Variants in WIPF1 observed in about 807,000 individuals in gnomAD.
The protein encoded by WIPF1 is WAS/WASL interacting protein family member 1.
A neutral mutation model predicts 35.4 loss-of-function variants in WIPF1; 13 were observed. The ratio of observed to expected loss-of-function variants is 0.37; its 90% CI spans 0.24 to 0.58. The LOEUF is 0.58. WIPF1 is among the 20% of genes least tolerant of loss of function. WIPF1 has a pLI of 0.74. For synonymous variants in WIPF1, 267 were observed against 266.3 expected, an observed-to-expected ratio of 1.00 and a Z score of -0.02; for missense variants, 591 against 667.0, an observed-to-expected ratio of 0.89 and a Z score of 1.25.
chr2:174,662,649 C>A (rs750583298), intron 1 of WIPF1, among the ~76,000 whole-genome samples: 1 of 152,210 alleles, frequency 6.6e-6, no homozygotes, highest in African/African-American at 2.4e-5. Context: ...CAGCCCGTCA[C>A]GGCAGCAACC....
chr2:174,671,006 C>T (rs777873179), intron 1 of WIPF1, among the ~76,000 whole-genome samples: 1 of 152,108 alleles, frequency 6.6e-6, no homozygotes, highest in Non-Finnish European at 1.5e-5. Context: ...CAAGGAAGTC[C>T]GGAATTGGTG....
chr2:174,641,800 G>T (rs1333502806), intron 1 of WIPF1, among the ~76,000 whole-genome samples: 2 of 152,182 alleles, frequency 1.3e-5, no homozygotes, highest in South Asian at 2.1e-4. Flanking sequence ...TGTGCCACAT[G>T]CTTTGACATT....
intron 1 of WIPF1, among the ~76,000 whole-genome samples, chr2:174,586,026 T>C (rs1685408829): frequency 6.6e-6 from 1 of 152,202 alleles, no homozygotes; most frequent in African/African-American, 2.4e-5. Context: ...TCCCACCCCC[T>C]CTGGCTTTCT....
intron 1 of WIPF1, among the ~76,000 whole-genome samples, chr2:174,607,988 G>T (rs1445735079): frequency 2.0e-5 from 3 of 152,222 alleles, no homozygotes; most frequent in South Asian, 2.1e-4. Context: ...CCAGGATAAA[G>T]TGGAAATTGT....
At position 174,567,885 on chromosome 2, in the gene WIPF1, C is replaced by T. The variant is rs1559145240; in HGVS notation, c.1318G>A (p.Gly440Ser). ...CCTTCACATGGAGAGTCTTGGAAGCCATTTCTAATAGATGTTGATGGTGGA... is the reference window on the plus strand; with the variant it reads ...CCTTCACATGGAGAGTCTTGGAAGCTATTTCTAATAGATGTTGATGGTGGA... ...PPPPSTSIRN[G>S]FQDSPCEDEW... Residue 440 changes from glycine to serine, a missense_variant, in exon 6 of 8, where the codon GGC becomes AGC. Physicochemically the swap from Gly to Ser is moderately conservative, Grantham distance 56. Coordinates refer to ENST00000679041, the MANE Select transcript of WIPF1 (RefSeq NM_001375834.1). The T allele has an allele frequency of 1.2e-6, 2 of 1,604,292 alleles. No individual in the cohort carries two copies. Among genetic ancestry groups the T allele is most frequent in the Non-Finnish European group, 1.7e-6 (2 of 1,174,364 alleles).
At chr2:174,674,578 T>C (rs1037864920) in intron 1 of WIPF1, among the ~76,000 whole-genome samples, 3 of 152,178 alleles carry the variant, frequency 2.0e-5, no homozygotes, top group African/African-American at 7.2e-5. Context: ...TCTTTTTCAG[T>C]TCTAGAAGAC....
intron 2 of WIPF1, among the ~76,000 whole-genome samples, chr2:174,583,032 A>G (rs745510828): frequency 1.2e-4 from 19 of 152,272 alleles, no homozygotes; most frequent in Middle Eastern, 3.4e-3. Context: ...GTTGAGGAGG[A>G]GCTGGGATTC....
At chr2:174,601,218 C>T (rs933947499), upstream of WIPF1, among the ~76,000 whole-genome samples, 78 of 152,152 alleles carry the variant, frequency 5.1e-4, 1 homozygote, top group Middle Eastern at 3.2e-3. Context: ...TGAACCACCA[C>T]GCTGCCCAGC....
intron 1 of WIPF1, among the ~76,000 whole-genome samples, chr2:174,637,249 T>C (rs1687202987): frequency 6.6e-6 from 1 of 152,186 alleles, no homozygotes; most frequent in Admixed American, 6.5e-5. Flanking sequence ...TTTTCTTTTT[T>C]GTTTTTAAGT....
At chr2:174,591,264 G>C (rs1685595571) in intron 1 of WIPF1, among the ~76,000 whole-genome samples, 1 of 152,142 alleles carries the variant, frequency 6.6e-6, no homozygotes, top group East Asian at 1.9e-4. Flanking sequence ...TCTGTTATTT[G>C]ATCTACCCAG....
chr2:174,654,398 C>A (rs1212060045), intron 1 of WIPF1, among the ~76,000 whole-genome samples: 2 of 152,098 alleles, frequency 1.3e-5, no homozygotes, highest in Non-Finnish European at 2.9e-5. Flanking sequence ...GTATTAACTG[C>A]TCAGTTTCTT....
chr2:174,635,025 C>T (rs1687143820), intron 1 of WIPF1, among the ~76,000 whole-genome samples: 1 of 152,160 alleles, frequency 6.6e-6, no homozygotes, highest in Non-Finnish European at 1.5e-5. Flanking sequence ...CCCAGGATGT[C>T]CCCACACTCC....
chr2:174,572,697 G>C (rs1684914011), intron 4 of WIPF1, among the ~76,000 whole-genome samples: 1 of 152,140 alleles, frequency 6.6e-6, no homozygotes, highest in African/African-American at 2.4e-5. Context: ...ATATCTCTTA[G>C]CATTATGTAT....
chr2:174,604,005 C>T (rs1686082480), intron 1 of WIPF1, among the ~76,000 whole-genome samples: 1 of 152,100 alleles, frequency 6.6e-6, no homozygotes, highest in Non-Finnish European at 1.5e-5. Flanking sequence ...ACTTCATAGG[C>T]CATTTTACAC....
chr2:174,593,421 C>A (rs1685689745), intron 1 of WIPF1, among the ~76,000 whole-genome samples: 2 of 152,106 alleles, frequency 1.3e-5, no homozygotes, highest in African/African-American at 4.8e-5. Flanking sequence ...ACAGTGAATC[C>A]ACTCCAAGTC....
upstream of WIPF1, among the ~76,000 whole-genome samples, chr2:174,599,457 C>T (rs960075179): frequency 1.3e-5 from 2 of 152,154 alleles, no homozygotes; most frequent in Non-Finnish European, 2.9e-5. Context: ...ACTGAGAGTC[C>T]TCTGCTTTGC....
intron 1 of WIPF1, chr2:174,656,006 A>G (rs1687632445): frequency 6.6e-6 from 1 of 152,300 alleles, no homozygotes; most frequent in Admixed American, 6.5e-5. Flanking sequence ...AGAATGCTGC[A>G]GAAGCGACAC....
In WIPF1 at chr2:174,670,130, G is replaced by A. The variant is rs552090141; in HGVS notation, c.-39+12644C>T. ...CTCACTGAGTTCCTGGCACCGCCAG[G>A]AGTCCAACCCAGCAGCCACACAGAT... On this transcript the variant is annotated intron_variant, in intron 1 of 8. Transcript: ENST00000272746. Among the ~76,000 whole-genome samples the A allele has an allele frequency of 3.3e-5, 5 of 152,184 alleles. No individual in the cohort carries two copies. In the South Asian group the frequency reaches 1.0e-3, roughly 32 times the overall value.
intron 1 of WIPF1, among the ~76,000 whole-genome samples, chr2:174,627,218 T>C (rs1479162846): frequency 2.0e-5 from 3 of 152,206 alleles, no homozygotes; most frequent in East Asian, 1.9e-4. Context: ...ATTCCTAATA[T>C]ACATCACCTA....
Sources: allele counts gnomAD v4.1 joint callset (sites outside exome capture counted in the v4.1 genomes callset), GRCh38; gene constraint gnomAD v4.1.1; transcripts MANE v1.5; gene names NCBI Gene and HGNC (gene_info 2026-07-23, HGNC 2026-07-21).